LYPLAL1: variants seen among roughly 807,000 people sequenced by gnomAD.
LYPLAL1 encodes the protein lysophospholipase-like protein 1.
A neutral mutation model predicts 19.7 loss-of-function variants in LYPLAL1; 23 were observed. The observed-to-expected ratio is 1.17, with a 90% CI of 0.84 to 1.65. LYPLAL1 has a LOEUF of 1.65. LYPLAL1 is among the 40% of genes most tolerant of loss of function. The probability of loss-of-function intolerance (pLI) is 0.00; values close to 1 mark genes in which losing one functional copy is unlikely to be tolerated. For synonymous variants in LYPLAL1, 119 were observed against 96.3 expected (o/e 1.24, Z -1.38); for missense variants, 355 against 279.4 (o/e 1.27, Z -1.93).
chr1:219,178,842 A>G (rs1367441329), intron 1 of LYPLAL1, among the ~76,000 whole-genome samples: 1 of 152,118 alleles, frequency 6.6e-6, no homozygotes, highest in Non-Finnish European at 1.5e-5. Flanking sequence ...AGAAAAATCA[A>G]TTTATTTATT....
At chr1:219,333,629 A>G in the LYPLAL1 span, among the ~76,000 whole-genome samples, 1 of 152,192 alleles carries the variant, frequency 6.6e-6, no homozygotes, top group South Asian at 2.1e-4. Context: ...AAGTTCTTAA[A>G]AGAAATGTTT....
At chr1:219,408,887 A>G in the LYPLAL1 span, among the ~76,000 whole-genome samples, 1 of 152,228 alleles carries the variant, frequency 6.6e-6, no homozygotes, top group African/African-American at 2.4e-5. Flanking sequence ...GGCTCCAGAA[A>G]GTGAATTCTC....
the LYPLAL1 span, among the ~76,000 whole-genome samples, chr1:219,238,398 G>T: frequency 7.0e-6 from 1 of 143,266 alleles, no homozygotes; most frequent in South Asian, 2.2e-4. Context: ...TGATCTGCTC[G>T]TCTCGGCCTC....
the LYPLAL1 span, among the ~76,000 whole-genome samples, chr1:219,396,199 C>T: frequency 1.3e-5 from 2 of 151,966 alleles, no homozygotes; most frequent in East Asian, 3.9e-4. Context: ...GTCTTTTTCC[C>T]CCATTGATGT....
the LYPLAL1 span, among the ~76,000 whole-genome samples, chr1:219,378,166 A>G: frequency 1.3e-5 from 2 of 152,322 alleles, no homozygotes; most frequent in East Asian, 1.9e-4. Flanking sequence ...GGACAAGTGT[A>G]TTAGTCTGTT....
the LYPLAL1 span, among the ~76,000 whole-genome samples, chr1:219,392,318 G>A: frequency 2.4e-4 from 36 of 152,324 alleles, no homozygotes; most frequent in South Asian, 6.8e-3. Flanking sequence ...GTAAATGACA[G>A]TGGTTGCAAT....
the LYPLAL1 span, among the ~76,000 whole-genome samples, chr1:219,339,617 G>A: frequency 1.8e-4 from 27 of 152,128 alleles, 1 homozygote; most frequent in African/African-American, 6.0e-4. Context: ...TTAACACTGG[G>A]TTCAAGAAAA....
At chr1:219,177,590 G>A (rs892705810) in intron 1 of LYPLAL1, among the ~76,000 whole-genome samples, 6 of 152,004 alleles carry the variant, frequency 3.9e-5, no homozygotes, top group African/African-American at 9.7e-5. Flanking sequence ...CAGTTACTCC[G>A]GCCAAAAGCC....
chr1:219,238,850 A>G, the LYPLAL1 span, among the ~76,000 whole-genome samples: 1 of 152,230 alleles, frequency 6.6e-6, no homozygotes, highest in Non-Finnish European at 1.5e-5. Flanking sequence ...ATATGATCTC[A>G]TTACTATTGT....
chr1:219,280,985 G>A, the LYPLAL1 span, among the ~76,000 whole-genome samples: 4 of 152,210 alleles, frequency 2.6e-5, no homozygotes, highest in Admixed American at 2.0e-4. Flanking sequence ...GGAGGCAGAG[G>A]TTGCAGTGGG....
the LYPLAL1 span, among the ~76,000 whole-genome samples, chr1:219,223,529 T>A: frequency 5.9e-5 from 9 of 152,154 alleles, no homozygotes; most frequent in Non-Finnish European, 1.0e-4. Flanking sequence ...TATCCTCTCA[T>A]TATTATGTGC....
At chr1:219,322,356 T>C in the LYPLAL1 span, among the ~76,000 whole-genome samples, 2 of 152,182 alleles carry the variant, frequency 1.3e-5, no homozygotes, top group African/African-American at 2.4e-5. Flanking sequence ...TATACTGGCT[T>C]GCACAGATAA....
chr1:219,393,834 G>C, the LYPLAL1 span, among the ~76,000 whole-genome samples: 1 of 151,366 alleles, frequency 6.6e-6, no homozygotes, highest in Non-Finnish European at 1.5e-5. Context: ...ATAGGTTCAA[G>C]TTTGTCACTT....
At chr1:219,344,879 C>A in the LYPLAL1 span, among the ~76,000 whole-genome samples, 1 of 152,112 alleles carries the variant, frequency 6.6e-6, no homozygotes, top group East Asian at 1.9e-4. Flanking sequence ...TACATTAAAC[C>A]TCCCCCAACA....
chr1:219,359,356 T>A, the LYPLAL1 span, among the ~76,000 whole-genome samples: 1 of 152,314 alleles, frequency 6.6e-6, no homozygotes, highest in South Asian at 2.1e-4. Flanking sequence ...TTTATCCCCT[T>A]TGACTATTCC....
At chr1:219,193,009 T>G in intron 2 of LYPLAL1, 73 bp from the exon 3 acceptor site, 1 of 1,392,080 alleles carries the variant, frequency 7.2e-7, no homozygotes, top group South Asian at 1.5e-5. Flanking sequence ...ACTATTATTT[T>G]GGTAATTAAA....
chr1:219,178,169 A>G (rs1655976458), intron 1 of LYPLAL1, among the ~76,000 whole-genome samples: 1 of 152,250 alleles, frequency 6.6e-6, no homozygotes, highest in Non-Finnish European at 1.5e-5. Flanking sequence ...CAGAGTTTAT[A>G]GGCTAGTGCA....
intron 2 of LYPLAL1, chr1:219,179,496 G>T: frequency 2.7e-6 from 1 of 367,040 alleles, no homozygotes; most frequent in East Asian, 5.6e-5. Flanking sequence ...CCCAAGCATG[G>T]CTTATGTAAC....
the LYPLAL1 span, among the ~76,000 whole-genome samples, chr1:219,323,844 A>G: frequency 6.6e-6 from 1 of 152,170 alleles, no homozygotes; most frequent in South Asian, 2.1e-4. Context: ...CTGAGAAAGA[A>G]ATATACACAC....
Sources: gnomAD v4.1 joint callset for allele counts (sites outside exome capture counted in the v4.1 genomes callset) on GRCh38, gnomAD v4.1.1 for gene constraint, MANE v1.5 for transcripts, NCBI Gene and HGNC (gene_info 2026-07-23, HGNC 2026-07-21) for gene names.